The following CATSPERE variants were observed in gnomAD, a reference collection of about 807,000 sequenced individuals.
The protein encoded by CATSPERE is cation channel sperm-associated auxiliary subunit epsilon.
In CATSPERE, 93 loss-of-function variants were observed where a neutral mutation model predicts 114.1. That is an observed-to-expected ratio of 0.81 (90% confidence interval 0.69 to 0.97). The LOEUF is 0.97. Among genes scored for constraint, CATSPERE ranks in the 50% least tolerant of loss-of-function variants. The pLI, the probability that CATSPERE is intolerant of heterozygous loss-of-function variation, is 0.00. For synonymous variants in CATSPERE, 341 were observed against 384.1 expected (o/e 0.89, Z 1.31); for missense variants, 1,058 against 1,131.6 (o/e 0.93, Z 0.93).
intron 9 of CATSPERE, among the ~76,000 whole-genome samples, chr1:244,555,752 A>G (rs181333394): frequency 1.6e-3 from 243 of 152,374 alleles, no homozygotes; most frequent in Non-Finnish European, 3.4e-4. Context: ...TAAAATCAGC[A>G]TACAAAAATC....
rs1673597527 is a variant in CATSPERE, at chr1:244,499,173, T to A, written c.429+94T>A. On this transcript the variant is annotated intron_variant, in intron 7 of 21. Coordinates refer to ENST00000366534, the MANE Select transcript of CATSPERE (RefSeq NM_001130957.2). ...AAATTTATAATCAATAGACAGGATTTTAAGCTGCCCACACCTAACTAAATA... is the reference window on the plus strand; with the variant it reads ...AAATTTATAATCAATAGACAGGATTATAAGCTGCCCACACCTAACTAAATA... 3.4e-6 allele frequency: 3 copies of A among 891,232 alleles called. No individual in the cohort carries two copies. In the South Asian group the frequency reaches 4.6e-5, roughly 14 times the overall value. The allele number at this position is 891,232 out of a possible 1,614,324, so 55.2% of individuals were successfully genotyped here.
rs375224820 is a variant in CATSPERE, at chr1:244,548,774, G to A, written c.537-3548G>A. Among the ~76,000 whole-genome samples, 43 of 152,274 alleles carry A rather than the reference G, an allele frequency of 2.8e-4. No homozygotes were observed. In the East Asian group the frequency reaches 7.5e-3, roughly 27 times the overall value. On this transcript the variant is annotated intron_variant, in intron 8 of 21. Transcript: ENST00000366534. ...GCAATACCTTGAACGGCTGAGCAAGGTTCCCCAGAAGGCTGTATATGCTCT... is the reference window on the plus strand; with the variant it reads ...GCAATACCTTGAACGGCTGAGCAAGATTCCCCAGAAGGCTGTATATGCTCT...
intron 6 of CATSPERE, among the ~76,000 whole-genome samples, chr1:244,491,090 C>T (rs904946491): frequency 4.6e-5 from 7 of 151,970 alleles, no homozygotes; most frequent in African/African-American, 1.7e-4. Context: ...CTGCACCAAG[C>T]GGACCTAATA....
intron 17 of CATSPERE, among the ~76,000 whole-genome samples, chr1:244,603,943 T>C (rs924428205): frequency 6.6e-6 from 1 of 152,180 alleles, no homozygotes; most frequent in South Asian, 2.1e-4. Context: ...TAGTGAGCTA[T>C]GATTGTGCCA....
At chr1:244,530,716 T>C (rs1679447256) in intron 8 of CATSPERE, among the ~76,000 whole-genome samples, 2 of 152,188 alleles carry the variant, frequency 1.3e-5, no homozygotes, top group South Asian at 2.1e-4. Flanking sequence ...TAGTTTTCAT[T>C]GCAGAGATCT....
chr1:244,572,352 A>C lies in CATSPERE; in HGVS notation c.1530A>C (p.Val510=). 1.4e-6 allele frequency: 2 copies of C among 1,465,376 alleles called. No individual in the cohort carries two copies. Among genetic ancestry groups the C allele is most frequent in the Non-Finnish European group, 1.9e-6 (2 of 1,062,392 alleles). The allele number at this position is 1,465,376 out of a possible 1,614,324, so 90.8% of individuals were successfully genotyped here. A position where few individuals can be genotyped will look rare whatever the true frequency, so the allele number is the denominator to read the frequency against. ...CAGATTATTATGGAGATATTTTGGT[A>C]AAAATGGAAAATAATGTAATATTTT... The part of the protein sequence containing the change: ...VFIDYYGDIL[V]KMENNVIFYS... Residue 510 remains valine (V), a synonymous_variant, in exon 11 of 22, where the codon GTA becomes GTC. Coordinates refer to ENST00000366534, the MANE Select transcript of CATSPERE (RefSeq NM_001130957.2).
chr1:244,631,298 G>A (rs981759824), intron 20 of CATSPERE, among the ~76,000 whole-genome samples: 1 of 145,124 alleles, frequency 6.9e-6, no homozygotes, highest in Non-Finnish European at 1.5e-5. Flanking sequence ...ATAAAAAAAA[G>A]GGAATATAGA....
chr1:244,561,841 A>C (rs1662604378), intron 10 of CATSPERE, among the ~76,000 whole-genome samples: 3 of 152,114 alleles, frequency 2.0e-5, no homozygotes, highest in Non-Finnish European at 4.4e-5. Flanking sequence ...TCATTTCCCA[A>C]ATAACCAACT....
At chr1:244,452,003 G>A (rs940014305), upstream of CATSPERE, 11 of 563,048 alleles carry the variant, frequency 2.0e-5, no homozygotes, top group Non-Finnish European at 3.2e-5. Flanking sequence ...GCCCGCTCAA[G>A]GGGGTACCAT....
upstream of CATSPERE, among the ~76,000 whole-genome samples, chr1:244,460,385 T>C (rs1343426160): frequency 3.3e-5 from 5 of 152,038 alleles, no homozygotes; most frequent in African/African-American, 1.2e-4. Context: ...ATCAGTAAAC[T>C]GGCTCATCTG....
At chr1:244,576,552 C>T (rs1665291134) in intron 11 of CATSPERE, among the ~76,000 whole-genome samples, 1 of 151,252 alleles carries the variant, frequency 6.6e-6, no homozygotes, top group Non-Finnish European at 1.5e-5. Flanking sequence ...CTAATTTTTC[C>T]TTGCAGTACT....
At position 244,572,574 on chromosome 1, in the gene CATSPERE, A is replaced by G; in HGVS notation, c.1752A>G (p.Pro584=). Residue 584 remains proline, a synonymous_variant, in exon 11 of 22, where the codon CCA becomes CCG. Transcript: ENST00000366534. ...SIAFTTKDKC[P]YMAFHNNVAH... ...CTTTCACAACAAAAGACAAATGCCC[A>G]TACATGGCATTTCATAACAATGTTG... 1 of 1,614,046 alleles carries G rather than the reference A, an allele frequency of 6.2e-7. No individual in the cohort carries two copies. The highest frequency in any genetic ancestry group is 8.5e-7 in the Non-Finnish European group (1 of 1,179,892).
chr1:244,520,845 C>T (rs1677420641), intron 8 of CATSPERE, among the ~76,000 whole-genome samples: 1 of 152,068 alleles, frequency 6.6e-6, no homozygotes, highest in South Asian at 2.1e-4. Flanking sequence ...ACATATAGAA[C>T]TTGAGTAATG....
intron 8 of CATSPERE, among the ~76,000 whole-genome samples, chr1:244,525,043 T>G (rs1678302911): frequency 6.8e-6 from 1 of 146,102 alleles, no homozygotes; most frequent in Non-Finnish European, 1.5e-5. Flanking sequence ...TGCACACGTA[T>G]GTTTATTGCG....
At chr1:244,593,453 A>G in intron 16 of CATSPERE, 25 bp downstream of exon 16, 1 of 1,613,696 alleles carries the variant, frequency 6.2e-7, no homozygotes, top group Non-Finnish European at 8.5e-7. Context: ...AAATTCTGTC[A>G]ATGGACCAAA....
intron 7 of CATSPERE, among the ~76,000 whole-genome samples, chr1:244,512,368 G>A (rs1316035996): frequency 6.6e-6 from 1 of 152,128 alleles, no homozygotes; most frequent in Non-Finnish European, 1.5e-5. Flanking sequence ...GAATTCTTCA[G>A]TTCCAAGATT....
intron 2 of CATSPERE, among the ~76,000 whole-genome samples, chr1:244,465,663 C>G (rs1667487903): frequency 6.6e-6 from 1 of 152,184 alleles, no homozygotes; most frequent in Non-Finnish European, 1.5e-5. Flanking sequence ...GGATCTGGTC[C>G]TGTGAACATC....
chr1:244,585,860 A>G (rs1379560941), intron 13 of CATSPERE, among the ~76,000 whole-genome samples: 1 of 152,230 alleles, frequency 6.6e-6, no homozygotes, highest in Non-Finnish European at 1.5e-5. Flanking sequence ...AAGAACTGGA[A>G]ATGCAGAAAT....
In CATSPERE at chr1:244,640,114, G is replaced by A. The variant is rs2148768032; in HGVS notation, c.*33G>A. 1 of 1,475,686 alleles carries A rather than the reference G, an allele frequency of 6.8e-7. No homozygotes were observed. The allele number at this position is 1,475,686 out of a possible 1,614,324, so 91.4% of individuals were successfully genotyped here. On this transcript the variant is annotated 3_prime_UTR_variant, in exon 22 of 22. Coordinates refer to ENST00000366534, the MANE Select transcript of CATSPERE (RefSeq NM_001130957.2). ...GAAAGTTTGTTTATTACAGATATAT[G>A]CATATAGAGAAACAGTGTATTACAT...
Sources: gnomAD v4.1 joint callset for allele counts (sites outside exome capture counted in the v4.1 genomes callset) on GRCh38, gnomAD v4.1.1 for gene constraint, MANE v1.5 for transcripts, NCBI Gene and HGNC (gene_info 2026-07-23, HGNC 2026-07-21) for gene names.